PPP6R3: variants seen among roughly 807,000 people sequenced by gnomAD.
The protein encoded by PPP6R3 is protein phosphatase 6 regulatory subunit 3, also known as serine/threonine-protein phosphatase 6 regulatory subunit 3.
A neutral mutation model predicts 110.7 loss-of-function variants in PPP6R3; 38 were observed. The ratio of observed to expected loss-of-function variants is 0.34; its 90% confidence interval spans 0.26 to 0.45. The LOEUF (loss-of-function observed/expected upper bound fraction) is 0.45. Ranked by LOEUF, PPP6R3 falls within the 20% of genes least tolerant of loss-of-function variation. The pLI is 1.00. For missense variants in PPP6R3, 870 were observed against 1,062.4 expected (o/e 0.82, Z 2.52); for synonymous variants, 369 against 373.5 (o/e 0.99, Z 0.14).
chr11:68,468,397 C>T (rs948605465), intron 1 of PPP6R3, among the ~76,000 whole-genome samples: 1 of 152,204 alleles, frequency 6.6e-6, no homozygotes, highest in Admixed American at 6.5e-5. Context: ...TCTCTTTTGT[C>T]TGCAAGTGAG....
chr11:68,561,717 A>G (rs776933560), intron 8 of PPP6R3, among the ~76,000 whole-genome samples: 3 of 152,212 alleles, frequency 2.0e-5, no homozygotes, highest in East Asian at 1.9e-4. Context: ...ATCTCAGCAG[A>G]TTAGTATTAG....
chr11:68,477,745 T>A (rs61086187), intron 1 of PPP6R3, among the ~76,000 whole-genome samples: 1,107 of 100,956 alleles, frequency 0.011, 19 homozygotes, highest in African/African-American at 0.039. Flanking sequence ...AAAAAAAATA[T>A]ATATATATAT....
At chr11:68,595,874 A>G (rs2099612511) in intron 18 of PPP6R3, among the ~76,000 whole-genome samples, 1 of 152,194 alleles carries the variant, frequency 6.6e-6, no homozygotes, top group Non-Finnish European at 1.5e-5. Context: ...CCTCCACTTT[A>G]AGCAGAGCCC....
intron 2 of PPP6R3, among the ~76,000 whole-genome samples, chr11:68,537,131 C>G (rs941730868): frequency 1.3e-5 from 2 of 152,192 alleles, no homozygotes; most frequent in African/African-American, 4.8e-5. Flanking sequence ...ATCAGTTTCT[C>G]TAACTCCTCA....
intron 1 of PPP6R3, among the ~76,000 whole-genome samples, chr11:68,486,603 TAAAAAA>T (rs61408861): frequency 2.7e-5 from 3 of 111,682 alleles, no homozygotes; most frequent in South Asian, 2.9e-4. Context: ...GACTCTGTCT[TAAAAAA>T]AAAAAAAAAA....
chr11:68,561,402 G>A (rs7102898), intron 8 of PPP6R3, among the ~76,000 whole-genome samples: 35,012 of 152,026 alleles, frequency 0.23, 4,287 homozygotes, highest in Middle Eastern at 0.32. Flanking sequence ...AGCTTTCTCT[G>A]AATATTTTTG....
intron 1 of PPP6R3, among the ~76,000 whole-genome samples, chr11:68,486,984 C>G (rs929000294): frequency 2.0e-5 from 3 of 152,154 alleles, no homozygotes; most frequent in African/African-American, 7.2e-5. Context: ...TCTTTCTCCT[C>G]AGCCTGGCTA....
chr11:68,539,221 C>T (rs1365534896), intron 3 of PPP6R3, among the ~76,000 whole-genome samples: 1 of 152,174 alleles, frequency 6.6e-6, no homozygotes, highest in East Asian at 1.9e-4. Context: ...TCAGCCTCCT[C>T]AGAAGAGTAT....
intron 1 of PPP6R3, among the ~76,000 whole-genome samples, chr11:68,472,364 A>G (rs765789892): frequency 5.3e-5 from 8 of 152,210 alleles, no homozygotes; most frequent in Non-Finnish European, 7.3e-5. Flanking sequence ...ATTGGAGAAT[A>G]TAAGTGTTTC....
chr11:68,465,356 C>T (rs2098738470), intron 1 of PPP6R3, among the ~76,000 whole-genome samples: 1 of 152,174 alleles, frequency 6.6e-6, no homozygotes, highest in Non-Finnish European at 1.5e-5. Flanking sequence ...CTGATCCCAG[C>T]AGAGAAGTGT....
chr11:68,512,356 T>C (rs959444433), intron 1 of PPP6R3, among the ~76,000 whole-genome samples: 1 of 152,176 alleles, frequency 6.6e-6, no homozygotes, highest in Non-Finnish European at 1.5e-5. Flanking sequence ...TCATACCAGA[T>C]GACACAGTCT....
intron 20 of PPP6R3, among the ~76,000 whole-genome samples, chr11:68,601,066 AAC>A (rs2099630310): frequency 6.6e-6 from 1 of 152,212 alleles, no homozygotes; most frequent in South Asian, 2.1e-4. Context: ...AATAGGCTGA[AAC>A]CCATGTTGCT....
intron 19 of PPP6R3, among the ~76,000 whole-genome samples, chr11:68,599,886 G>T (rs2099625634): frequency 1.3e-5 from 2 of 152,078 alleles, no homozygotes; most frequent in Non-Finnish European, 2.9e-5. Context: ...CACTTTGGGA[G>T]GCCAAGGCGG....
chr11:68,498,215 A>G (rs1420500916), intron 1 of PPP6R3, among the ~76,000 whole-genome samples: 1 of 152,196 alleles, frequency 6.6e-6, no homozygotes, highest in Non-Finnish European at 1.5e-5. Flanking sequence ...CAGCAGTTCC[A>G]GTCAGTTTTA....
At chr11:68,516,553 G>A (rs113801534) in intron 1 of PPP6R3, among the ~76,000 whole-genome samples, 1,563 of 152,166 alleles carry the variant, frequency 0.01, 12 homozygotes, top group African/African-American at 0.012. Flanking sequence ...TTTGGACAGG[G>A]GATACTCCGT....
chr11:68,517,109 CT>C (rs780000483), intron 1 of PPP6R3, among the ~76,000 whole-genome samples: 610 of 139,942 alleles, frequency 4.4e-3, no homozygotes, highest in African/African-American at 4.8e-3. Context: ...TTTGTTCTTT[CT>C]TTTTTTTTTT....
chr11:68,475,329 A>T (rs1484562492), intron 1 of PPP6R3, among the ~76,000 whole-genome samples: 1 of 152,242 alleles, frequency 6.6e-6, no homozygotes, highest in Non-Finnish European at 1.5e-5. Flanking sequence ...ACACAGAGAC[A>T]GCAACAATCT....
chr11:68,585,319 C>G (rs1465964621), intron 15 of PPP6R3, among the ~76,000 whole-genome samples: 2 of 152,226 alleles, frequency 1.3e-5, no homozygotes, highest in Non-Finnish European at 2.9e-5. Context: ...TCATTTCCCA[C>G]TACCTCACAT....
At chr11:68,493,428 CATTTTTA>C (rs1042687177) in intron 1 of PPP6R3, among the ~76,000 whole-genome samples, 3 of 151,522 alleles carry the variant, frequency 2.0e-5, no homozygotes, top group African/African-American at 4.8e-5. Context: ...AAGGTGCTGC[CATTTTTA>C]ATTTTTAATT....
Sources: gnomAD v4.1 joint callset for allele counts (sites outside exome capture counted in the v4.1 genomes callset) on GRCh38, gnomAD v4.1.1 for gene constraint, MANE v1.5 for transcripts, NCBI Gene and HGNC (gene_info 2026-07-23, HGNC 2026-07-21) for gene names.